The following PKHD1L1 variants were observed in gnomAD, a reference collection of about 807,000 sequenced individuals.
The protein encoded by PKHD1L1 is fibrocystin-L.
In PKHD1L1, 434 loss-of-function variants were observed where a neutral mutation model predicts 462.9. That is an observed-to-expected ratio of 0.94 (90% confidence interval 0.87 to 1.02). The LOEUF (loss-of-function observed/expected upper bound fraction) is 1.02. PKHD1L1 is among the 50% of genes least tolerant of loss of function. The probability of loss-of-function intolerance (pLI) is 0.00; values close to 1 mark genes in which losing one functional copy is unlikely to be tolerated. For synonymous variants in PKHD1L1, 1,781 were observed against 1,750.0 expected (o/e 1.02, Z -0.44); for missense variants, 5,202 against 5,096.1 (o/e 1.02, Z -0.63).
Position 109,498,087 on chromosome 8 carries a change from CTTTTTTTTTTTTTT to C in PKHD1L1, c.10600-363_10600-350del, listed in dbSNP as rs71305953. ...TTAGTACTATTCATTATCATGTTTT[CTTTTTTTTTTTTTT>C]TTTTTTTTTTTGAGACGGAGTCTCG... On this transcript the variant is annotated intron_variant, in intron 65 of 77. Transcript: ENST00000378402. 3.4e-5 allele frequency among the ~76,000 whole-genome samples: 2 copies of C among 58,960 alleles called. 1 individual carries two copies. The highest frequency in any genetic ancestry group is 6.0e-5 in the Non-Finnish European group (2 of 33,370). 38.7% of individuals were successfully genotyped at this position (58,960 alleles called of 152,430 possible). A position where few individuals can be genotyped will look rare whatever the true frequency, so the allele number is the denominator to read the frequency against.
At position 109,451,107 on chromosome 8, in the gene PKHD1L1, C is replaced by T. The variant is rs1048636182; in HGVS notation, c.6308C>T (p.Thr2103Ile). ...GCAGTATCTCCTAAGAGAGGCAGTACAGCAGGGGGCACCAGACTGACAGTC... is the reference window on the plus strand; with the variant it reads ...GCAGTATCTCCTAAGAGAGGCAGTATAGCAGGGGGCACCAGACTGACAGTC... The part of the protein sequence containing the change: ...ITAVSPKRGS[T>I]AGGTRLTVVG... The change falls in exon 41 of 78, where the codon ACA becomes ATA. Residue 2103 changes from threonine (T) to isoleucine (I), a missense_variant. Thr to Ile is a moderately conservative substitution (Grantham distance 89, BLOSUM62 -1). Around this residue, in one of 3 missense-constraint regions of PKHD1L1, gnomAD observed 4,497 missense variants for 4,336.8 expected, o/e 1.04. Transcript: ENST00000378402. The T allele has an allele frequency of 1.9e-6, 3 of 1,612,766 alleles. No individual in the cohort carries two copies. Among genetic ancestry groups the T allele is most frequent in the South Asian group, 2.2e-5 (2 of 90,928 alleles).
At chr8:109,447,505 G>A (rs567839992) in intron 38 of PKHD1L1, among the ~76,000 whole-genome samples, 2 of 152,138 alleles carry the variant, frequency 1.3e-5, no homozygotes, top group South Asian at 2.1e-4. Context: ...TGCCCTTCAC[G>A]TACATTTGTC....
At chr8:109,457,919 C>T (rs1816911593) in intron 46 of PKHD1L1, among the ~76,000 whole-genome samples, 1 of 152,086 alleles carries the variant, frequency 6.6e-6, no homozygotes, top group East Asian at 1.9e-4. Context: ...ACCACTGGTT[C>T]GCCCTTATCT....
At chr8:109,470,727 A>G (rs1194611449) in intron 50 of PKHD1L1, 2 of 1,569,972 alleles carry the variant, frequency 1.3e-6, no homozygotes, top group Non-Finnish European at 1.7e-6. Flanking sequence ...CCTTGTACCA[A>G]TCTTCTTGGG....
At chr8:109,491,440 A>T (rs1254128570) in intron 61 of PKHD1L1, among the ~76,000 whole-genome samples, 1 of 151,910 alleles carries the variant, frequency 6.6e-6, no homozygotes, top group African/African-American at 2.4e-5. Flanking sequence ...ACATTCTTAC[A>T]TGAGTTATCT....
chr8:109,524,664 A>C (rs1263068266), intron 76 of PKHD1L1, among the ~76,000 whole-genome samples: 1 of 152,242 alleles, frequency 6.6e-6, no homozygotes, highest in African/African-American at 2.4e-5. Flanking sequence ...ATAATAATTT[A>C]AGCATTTTTC....
intron 28 of PKHD1L1, among the ~76,000 whole-genome samples, chr8:109,434,490 A>G (rs570079629): frequency 1.3e-5 from 2 of 151,188 alleles, no homozygotes; most frequent in South Asian, 4.2e-4. Flanking sequence ...TTTTTTTGAG[A>G]TGGAGTCTCA....
At chr8:109,493,418 T>C (rs577958143) in intron 62 of PKHD1L1, among the ~76,000 whole-genome samples, 1 of 151,618 alleles carries the variant, frequency 6.6e-6, no homozygotes, top group Non-Finnish European at 1.5e-5. Flanking sequence ...ATAATCTCTT[T>C]AATGTAGTTT....
chr8:109,446,761 A>G (rs909671387), intron 38 of PKHD1L1, among the ~76,000 whole-genome samples: 2 of 152,102 alleles, frequency 1.3e-5, no homozygotes, highest in African/African-American at 2.4e-5. Flanking sequence ...TTTCAAAACA[A>G]TGTATTCAAA....
chr8:109,493,799 C>T, intron 63 of PKHD1L1, 48 bp downstream of exon 63: 1 of 1,267,382 alleles, frequency 7.9e-7, no homozygotes, highest in Non-Finnish European at 1.1e-6. Context: ...ATAACTTGTA[C>T]AAAATTGTTA....
At chr8:109,363,788 A>G (rs555328992) in intron 1 of PKHD1L1, among the ~76,000 whole-genome samples, 55 of 152,300 alleles carry the variant, frequency 3.6e-4, no homozygotes, top group African/African-American at 1.2e-3. Flanking sequence ...TTTGTCCTTA[A>G]AAATGTGGAA....
chr8:109,392,639 G>A (rs925612351), intron 9 of PKHD1L1, among the ~76,000 whole-genome samples: 7 of 151,686 alleles, frequency 4.6e-5, no homozygotes, highest in African/African-American at 1.7e-4. Context: ...CTAGTTTTAA[G>A]ATTACATTTA....
At chr8:109,491,157 A>G (rs1021868861) in intron 61 of PKHD1L1, 56 bp downstream of exon 61, 12 of 1,529,628 alleles carry the variant, frequency 7.8e-6, no homozygotes, top group African/African-American at 1.4e-5. Flanking sequence ...TTTCTTATCT[A>G]TATACTCTAG....
intron 46 of PKHD1L1, 150 bp downstream of exon 46, chr8:109,456,541 A>G (rs1816837204): frequency 4.2e-6 from 3 of 707,252 alleles, no homozygotes; most frequent in Admixed American, 3.6e-5. Flanking sequence ...AGATTTGCCA[A>G]GTGTTAACAT....
At position 109,492,005 on chromosome 8, in the gene PKHD1L1, CAAACTT is replaced by C; in HGVS notation, c.10236+13_10236+18del. ...CATGCAGCAATTGAGGTAGTGAAAACAAACTTATAATTATACTAATTTATAATTATA... is the reference window on the plus strand; with the variant it reads ...CATGCAGCAATTGAGGTAGTGAAAACATAATTATACTAATTTATAATTATA... On this transcript the variant is annotated intron_variant, in intron 62 of 77. Coordinates refer to ENST00000378402, the MANE Select transcript of PKHD1L1 (RefSeq NM_177531.6). The C allele has an allele frequency of 6.7e-7, 1 of 1,489,214 alleles. No individual in the cohort carries two copies. Among genetic ancestry groups the C allele is most frequent in the Non-Finnish European group, 9.0e-7 (1 of 1,107,854 alleles). 92.3% of individuals were successfully genotyped at this position (1,489,214 alleles called of 1,614,324 possible).
chr8:109,456,706 G>A (rs73704010), intron 46 of PKHD1L1, among the ~76,000 whole-genome samples: 4,456 of 152,196 alleles, frequency 0.029, 204 homozygotes, highest in African/African-American at 0.094. Context: ...AGAAGTGTTT[G>A]ACTACTAAAA....
chr8:109,383,048 TTA>T (rs889452162), intron 4 of PKHD1L1, among the ~76,000 whole-genome samples: 9 of 135,256 alleles, frequency 6.7e-5, no homozygotes, highest in South Asian at 4.3e-4. Context: ...ATTAAATTAG[TTA>T]TATATATAAA....
intron 39 of PKHD1L1, among the ~76,000 whole-genome samples, chr8:109,448,929 TA>T (rs1816324468): frequency 6.6e-6 from 1 of 152,148 alleles, no homozygotes; most frequent in South Asian, 2.1e-4. Flanking sequence ...ACATCACTGG[TA>T]TGTAATTATT....
At chr8:109,494,509 T>G (rs565036398) in intron 63 of PKHD1L1, among the ~76,000 whole-genome samples, 1 of 151,930 alleles carries the variant, frequency 6.6e-6, no homozygotes, top group Non-Finnish European at 1.5e-5. Context: ...AATGGTAGAA[T>G]AGTTATATAA....
Sources: allele counts gnomAD v4.1 joint callset (sites outside exome capture counted in the v4.1 genomes callset), GRCh38; gene constraint gnomAD v4.1.1; regional missense constraint gnomAD v4.1.1; transcripts MANE v1.5; gene names NCBI Gene and HGNC (gene_info 2026-07-23, HGNC 2026-07-21).